NLK: variants seen among roughly 807,000 people sequenced by gnomAD.
NLK encodes the protein serine/threonine-protein kinase NLK.
Under a neutral mutation model 59.0 loss-of-function variants are expected in NLK, and 11 were observed. The observed-to-expected ratio is 0.19, with a 90% CI of 0.12 to 0.31. NLK has a LOEUF of 0.31. Ranked by LOEUF, NLK falls within the 10% of genes least tolerant of loss-of-function variation. The pLI is 1.00. For synonymous variants in NLK, 235 were observed against 235.9 expected, an observed-to-expected ratio of 1.00 and a Z score of 0.03; for missense variants, 410 against 661.1, an observed-to-expected ratio of 0.62 and a Z score of 4.16.
intron 8 of NLK, among the ~76,000 whole-genome samples, chr17:28,188,257 T>G (rs1226594838): frequency 6.6e-6 from 1 of 152,200 alleles, no homozygotes; most frequent in Non-Finnish European, 1.5e-5. Context: ...TACATAATAA[T>G]TAACCATTTT....
At chr17:28,087,732 C>T (rs145393332) in intron 1 of NLK, among the ~76,000 whole-genome samples, 35 of 151,464 alleles carry the variant, frequency 2.3e-4, no homozygotes, top group Non-Finnish European at 4.0e-4. Context: ...AATTTTGCTC[C>T]AAGTTTTTGA....
intron 1 of NLK, among the ~76,000 whole-genome samples, chr17:28,062,694 C>T (rs551399207): frequency 5.3e-5 from 8 of 152,236 alleles, no homozygotes; most frequent in African/African-American, 1.9e-4. Flanking sequence ...GATTCTCCTG[C>T]CTCAGCCTCC....
At chr17:28,067,850 A>G (rs946577920) in intron 1 of NLK, among the ~76,000 whole-genome samples, 6 of 151,266 alleles carry the variant, frequency 4.0e-5, no homozygotes, top group African/African-American at 7.3e-5. Context: ...ATATATATAT[A>G]TATATATGGT....
At chr17:28,159,291 G>A (rs1181660646) in intron 3 of NLK, among the ~76,000 whole-genome samples, 1 of 152,194 alleles carries the variant, frequency 6.6e-6, no homozygotes, top group Non-Finnish European at 1.5e-5. Context: ...TTGCAGAAAA[G>A]TGACATAATT....
chr17:28,157,168 C>T (rs1907787561), intron 3 of NLK, among the ~76,000 whole-genome samples: 1 of 150,670 alleles, frequency 6.6e-6, no homozygotes, highest in East Asian at 1.9e-4. Context: ...CAGCAAATGC[C>T]ACAATGCTCA....
chr17:28,093,701 T>C (rs531328491), intron 1 of NLK, among the ~76,000 whole-genome samples: 4 of 152,358 alleles, frequency 2.6e-5, no homozygotes, highest in African/African-American at 9.6e-5. Flanking sequence ...ACTTGGGAGT[T>C]GTACGTAACA....
chr17:28,192,127 T>C lies in NLK; in HGVS notation c.1443T>C (p.Ile481=), dbSNP rs771072163. The C allele has an allele frequency of 4.0e-5, 64 of 1,595,750 alleles. No homozygotes were observed. In the Middle Eastern group the frequency reaches 9.9e-4, roughly 25 times the overall value. The change falls in exon 10 of 11, where the codon ATT becomes ATC. Residue 481 remains isoleucine (I), a synonymous_variant. Coordinates refer to ENST00000407008, the MANE Select transcript of NLK (RefSeq NM_016231.5). ...TGTTTGTTTTCTCCACAGAAATTAT[T>C]CATCAGTTCATTTTGGAACAGCAGA... is the stretch of plus-strand genomic sequence containing the variant. ...LSSVRQVKEI[I]HQFILEQQKG... is the part of the protein sequence containing the mutation.
intron 1 of NLK, among the ~76,000 whole-genome samples, chr17:28,072,472 C>T (rs1477976137): frequency 2.0e-5 from 3 of 151,886 alleles, no homozygotes; most frequent in African/African-American, 7.3e-5. Flanking sequence ...ACCACAGTCA[C>T]ATGCCACCAC....
intron 1 of NLK, among the ~76,000 whole-genome samples, chr17:28,120,270 G>A (rs867410344): frequency 1.8e-4 from 26 of 141,092 alleles, no homozygotes; most frequent in African/African-American, 6.4e-4. Context: ...GTGTGTGTGT[G>A]TGTATGTGTG....
intron 1 of NLK, among the ~76,000 whole-genome samples, chr17:28,054,237 G>A (rs1005944270): frequency 2.6e-5 from 4 of 152,164 alleles, no homozygotes; most frequent in Admixed American, 2.6e-4. Flanking sequence ...ATGTTTAATT[G>A]ATTGGCTTCC....
chr17:28,156,327 C>G (rs1907718078), intron 3 of NLK, among the ~76,000 whole-genome samples: 1 of 152,078 alleles, frequency 6.6e-6, no homozygotes, highest in African/African-American at 2.4e-5. Context: ...ATTATTCCAC[C>G]TATAAATACT....
intron 2 of NLK, 115 bp from the exon 3 acceptor site, chr17:28,132,505 G>T: frequency 1.4e-6 from 1 of 732,356 alleles, no homozygotes; most frequent in East Asian, 2.8e-5. Context: ...TTTTCAGTGG[G>T]CAATTGTAAC....
intron 1 of NLK, among the ~76,000 whole-genome samples, chr17:28,088,491 C>CT (rs1484270154): frequency 2.0e-5 from 3 of 152,068 alleles, no homozygotes; most frequent in African/African-American, 7.2e-5. Context: ...AATTTGTTTG[C>CT]TTTATTCATT....
intron 3 of NLK, among the ~76,000 whole-genome samples, chr17:28,141,068 AAG>A (rs1394489877): frequency 1.3e-5 from 2 of 152,218 alleles, no homozygotes; most frequent in African/African-American, 4.8e-5. Flanking sequence ...TGGCACAACT[AAG>A]TGCATAATAG....
chr17:28,185,659 C>T (rs529181807), intron 8 of NLK, among the ~76,000 whole-genome samples: 2 of 152,080 alleles, frequency 1.3e-5, no homozygotes, highest in Non-Finnish European at 2.9e-5. Flanking sequence ...AGCAATCCTC[C>T]TACCCGAGCC....
intron 1 of NLK, among the ~76,000 whole-genome samples, chr17:28,098,036 A>T (rs868088295): frequency 6.6e-6 from 1 of 152,314 alleles, no homozygotes; most frequent in Admixed American, 6.5e-5. Flanking sequence ...TTAATAGATT[A>T]ATCTTCCTTA....
At position 28,060,639 on chromosome 17, in the gene NLK, G is replaced by A. The variant is rs147331114; in HGVS notation, c.458+17308G>A. Among the ~76,000 whole-genome samples, 538 of 152,248 alleles carry A rather than the reference G, an allele frequency of 3.5e-3. 1 individual carries two copies. The highest frequency in any genetic ancestry group is 0.012 in the African/African-American group (492 of 41,538). ...CAACAGAGAATGGGCAAAAGCTAGA[G>A]AATGGGCACATAGAAGAAATACAAA... On this transcript the variant is annotated intron_variant, in intron 1 of 10. Coordinates refer to ENST00000407008, the MANE Select transcript of NLK (RefSeq NM_016231.5).
chr17:28,077,635 A>G (rs1228393943), intron 1 of NLK, among the ~76,000 whole-genome samples: 1 of 152,228 alleles, frequency 6.6e-6, no homozygotes, highest in Non-Finnish European at 1.5e-5. Context: ...AGTTAATGCA[A>G]AACATTAATC....
In NLK at chr17:28,163,527, C is replaced by G. The variant is rs1555565017; in HGVS notation, c.752-16C>G. 6.8e-7 allele frequency: 1 copy of G among 1,473,970 alleles called. No homozygotes were observed. The highest frequency in any genetic ancestry group is 1.2e-5 in the South Asian group (1 of 83,282). The allele number at this position is 1,473,970 out of a possible 1,614,324, so 91.3% of individuals were successfully genotyped here. A position where few individuals can be genotyped will look rare whatever the true frequency, so the allele number is the denominator to read the frequency against. ...AGGAATTAAATATCTGCAATTAAAT[C>G]TGTTTGTTATTTCAGGTTTGAAATA... On this transcript the variant is annotated splice_polypyrimidine_tract_variant and intron_variant, in intron 4 of 10. Coordinates refer to ENST00000407008, the MANE Select transcript of NLK (RefSeq NM_016231.5).
Sources: gnomAD v4.1 joint callset for allele counts (sites outside exome capture counted in the v4.1 genomes callset) on GRCh38, gnomAD v4.1.1 for gene constraint, MANE v1.5 for transcripts, NCBI Gene and HGNC (gene_info 2026-07-23, HGNC 2026-07-21) for gene names.